Variants in TRAPPC9 observed in about 807,000 individuals in gnomAD.
The protein encoded by TRAPPC9 is IKK2 binding protein.
A neutral mutation model predicts 124.0 loss-of-function variants in TRAPPC9; 83 were observed. The observed-to-expected ratio is 0.67, with a 90% CI of 0.56 to 0.80. The LOEUF is 0.80. TRAPPC9 is among the 30% of genes least tolerant of loss of function. TRAPPC9 has a pLI of 0.00. For synonymous variants in TRAPPC9, 638 were observed against 617.5 expected, an observed-to-expected ratio of 1.03 and a Z score of -0.49; for missense variants, 1,302 against 1,508.3, an observed-to-expected ratio of 0.86 and a Z score of 2.27.
intron 15 of TRAPPC9, among the ~76,000 whole-genome samples, chr8:140,266,753 G>A (rs948373740): frequency 2.0e-5 from 3 of 151,924 alleles, no homozygotes; most frequent in Admixed American, 6.6e-5. Flanking sequence ...CCAGCTACTC[G>A]GGAGGCTGAG....
chr8:140,018,481 G>A (rs532646686), intron 18 of TRAPPC9, among the ~76,000 whole-genome samples: 7 of 151,690 alleles, frequency 4.6e-5, no homozygotes, highest in East Asian at 2.0e-4. Flanking sequence ...CCACCACCAC[G>A]CCCGGCTAAT....
intron 17 of TRAPPC9, among the ~76,000 whole-genome samples, chr8:140,105,237 C>T (rs1410703632): frequency 6.6e-6 from 1 of 152,200 alleles, no homozygotes; most frequent in Non-Finnish European, 1.5e-5. Flanking sequence ...CGACTGTGCT[C>T]AAATAGTGGT....
At chr8:140,359,124 G>T (rs1370495447) in intron 9 of TRAPPC9, among the ~76,000 whole-genome samples, 1 of 152,214 alleles carries the variant, frequency 6.6e-6, no homozygotes, top group East Asian at 1.9e-4. Context: ...CGGCAGTGCA[G>T]GGCTCCCCGT....
intron 21 of TRAPPC9, among the ~76,000 whole-genome samples, chr8:139,773,743 C>T (rs1563803086): frequency 2.0e-5 from 3 of 152,204 alleles, no homozygotes; most frequent in African/African-American, 4.8e-5. Flanking sequence ...TCTGTGTGTG[C>T]GGAACCTTTG....
chr8:139,850,181 G>A (rs1361358275), intron 21 of TRAPPC9, among the ~76,000 whole-genome samples: 1 of 152,216 alleles, frequency 6.6e-6, no homozygotes, highest in East Asian at 1.9e-4. Flanking sequence ...TGGGTATGAG[G>A]GACTGAGAAG....
At chr8:139,744,394 G>C (rs972937401) in intron 21 of TRAPPC9, among the ~76,000 whole-genome samples, 1 of 152,114 alleles carries the variant, frequency 6.6e-6, no homozygotes, top group Non-Finnish European at 1.5e-5. Flanking sequence ...CTGACTGCTG[G>C]GAAGGGGCCT....
intron 17 of TRAPPC9, among the ~76,000 whole-genome samples, chr8:140,160,983 G>A (rs1163262995): frequency 1.3e-5 from 2 of 152,182 alleles, no homozygotes; most frequent in African/African-American, 4.8e-5. Context: ...TTAACCGCCT[G>A]ACTTCATCAG....
At chr8:140,202,827 G>A (rs751418383) in intron 17 of TRAPPC9, among the ~76,000 whole-genome samples, 33 of 152,324 alleles carry the variant, frequency 2.2e-4, no homozygotes, top group Middle Eastern at 3.4e-3. Flanking sequence ...CTTCACCTAT[G>A]AAGTATTCTA....
chr8:139,831,314 T>C (rs1267624684), intron 21 of TRAPPC9, among the ~76,000 whole-genome samples: 1 of 152,072 alleles, frequency 6.6e-6, no homozygotes, highest in Non-Finnish European at 1.5e-5. Context: ...GACCTGGGTT[T>C]CCGGGGTGGA....
At chr8:140,303,287 G>A (rs1211890260) in intron 10 of TRAPPC9, among the ~76,000 whole-genome samples, 2 of 152,110 alleles carry the variant, frequency 1.3e-5, no homozygotes, top group Non-Finnish European at 2.9e-5. Flanking sequence ...AATATTCAAT[G>A]AGTCCCACTC....
At chr8:140,004,708 A>C (rs557909961) in intron 18 of TRAPPC9, among the ~76,000 whole-genome samples, 2 of 152,320 alleles carry the variant, frequency 1.3e-5, no homozygotes, top group African/African-American at 4.8e-5. Flanking sequence ...GACTCAGCTA[A>C]AAATGAGTAC....
intron 19 of TRAPPC9, among the ~76,000 whole-genome samples, chr8:139,988,135 G>C (rs1837368673): frequency 7.2e-6 from 1 of 139,536 alleles, no homozygotes; most frequent in African/African-American, 2.7e-5. Flanking sequence ...TTGAGGCGGA[G>C]TCTCGCTCTG....
rs538543360 is a variant in TRAPPC9 at position 139,808,409 on chromosome 8, C to T, written c.3056-76207G>A. Among the ~76,000 whole-genome samples, 931 of 152,160 alleles carry T rather than the reference C, an allele frequency of 6.1e-3. 13 individuals are homozygous for T. The highest frequency in any genetic ancestry group is 0.022 in the African/African-American group (909 of 41,498). On this transcript the variant is annotated intron_variant, in intron 21 of 22. Transcript: ENST00000438773. ...CCAGGAGGTGAAGGTTGCAGTGAGC[C>T]GAGATGGTGCCACTGCACTCAAGCC...
rs2062230933 is a variant in TRAPPC9, at chr8:140,182,680, A to G, written c.2556+38779T>C. On this transcript the variant is annotated intron_variant, in intron 17 of 22. Transcript: ENST00000438773. This position sits in a 1 kb window ranked among gnomAD's most constrained non-coding sequence, Gnocchi z 4.0. ...AGCTGGCAGAACAAATCTTTGTGCC[A>G]TTTGAGAGCTTACTTTAAGAAATTC... Among the ~76,000 whole-genome samples, 1 of 152,144 alleles carries G rather than the reference A, an allele frequency of 6.6e-6. No homozygotes were observed. The highest frequency in any genetic ancestry group is 1.5e-5 in the Non-Finnish European group (1 of 68,014).
chr8:139,887,168 C>T (rs1183454892), intron 20 of TRAPPC9, among the ~76,000 whole-genome samples: 1 of 151,762 alleles, frequency 6.6e-6, no homozygotes, highest in Admixed American at 6.6e-5. Context: ...CAGCAACATG[C>T]TGCCCTGGGG....
intron 18 of TRAPPC9, among the ~76,000 whole-genome samples, chr8:140,002,844 C>CAA (rs56895763): frequency 1.1e-3 from 73 of 68,804 alleles, no homozygotes; most frequent in Admixed American, 1.5e-3. Context: ...TTCCACTTAT[C>CAA]AAAAAAAAAA....
intron 1 of TRAPPC9, among the ~76,000 whole-genome samples, chr8:140,456,629 G>C (rs371445013): frequency 5.9e-5 from 9 of 152,180 alleles, no homozygotes; most frequent in African/African-American, 1.9e-4. Context: ...AACCTAGCCA[G>C]ATCTTTAGGA....
intron 21 of TRAPPC9, among the ~76,000 whole-genome samples, chr8:139,858,606 C>T (rs1827943677): frequency 1.3e-5 from 2 of 152,124 alleles, no homozygotes; most frequent in Non-Finnish European, 2.9e-5. Context: ...GATCTGGGGA[C>T]TGGGTGGGTG....
intron 21 of TRAPPC9, among the ~76,000 whole-genome samples, chr8:139,875,065 A>G (rs113709680): frequency 1.7e-4 from 26 of 152,350 alleles, no homozygotes; most frequent in African/African-American, 6.0e-4. Flanking sequence ...TTTGGGGATC[A>G]AGATCACAAT....
Sources: gnomAD v4.1 joint callset for allele counts (sites outside exome capture counted in the v4.1 genomes callset) on GRCh38, gnomAD v4.1.1 for gene constraint, Gnocchi (gnomAD v3.1) non-coding constraint, MANE v1.5 for transcripts, NCBI Gene and HGNC (gene_info 2026-07-23, HGNC 2026-07-21) for gene names.